Variants in CYP2A13 observed in about 807,000 individuals in gnomAD.
CYP2A13 encodes cytochrome P450 family 2 subfamily A member 13, also known as cytochrome P450 2A13.
Under a neutral mutation model 39.4 loss-of-function variants are expected in CYP2A13, and 30 were observed. That is an observed-to-expected ratio of 0.76 (90% CI 0.57 to 1.03). The LOEUF (loss-of-function observed/expected upper bound fraction) is 1.03, where lower values mean the gene tolerates loss of function less well. Among genes scored for constraint, CYP2A13 ranks in the 50% least tolerant of loss-of-function variants. CYP2A13 has a pLI of 0.00. For synonymous variants in CYP2A13, 269 were observed against 254.7 expected, an observed-to-expected ratio of 1.06 and a Z score of -0.54; for missense variants, 731 against 648.4, an observed-to-expected ratio of 1.13 and a Z score of -1.38.
At chr19:41,089,428 G>A (rs189067931) in intron 2 of CYP2A13, among the ~76,000 whole-genome samples, 4 of 151,892 alleles carry the variant, frequency 2.6e-5, no homozygotes, top group African/African-American at 7.2e-5. Flanking sequence ...TGTCGCTCTC[G>A]GCTTCTGTGC....
chr19:41,095,688 C>G (rs1036157196), intron 8 of CYP2A13, 72 bp from the exon 9 acceptor site: 1 of 1,577,758 alleles, frequency 6.3e-7, no homozygotes, highest in Admixed American at 1.7e-5. Context: ...AGAGTGCAGC[C>G]GGGGGTCAGT....
At chr19:41,095,380 C>G (rs1428073649) in intron 8 of CYP2A13, among the ~76,000 whole-genome samples, 1 of 152,158 alleles carries the variant, frequency 6.6e-6, no homozygotes, top group Non-Finnish European at 1.5e-5. Context: ...TGGCACAGCA[C>G]AGCAGTCATA....
Position 41,093,760 on chromosome 19 carries a change from C to A in CYP2A13, c.962C>A (p.Pro321Gln). 1 of 1,613,994 alleles carries A rather than the reference C, an allele frequency of 6.2e-7. No homozygotes were observed. Among genetic ancestry groups the A allele is most frequent in the Non-Finnish European group, 8.5e-7 (1 of 1,179,978 alleles). ...GGTTTCCTGCTGCTCATGAAGCACCCAGAGGTGGAGGGTAAGACTGGAAAG... is the reference window on the plus strand; with the variant it reads ...GGTTTCCTGCTGCTCATGAAGCACCAAGAGGTGGAGGGTAAGACTGGAAAG... ...RYGFLLLMKHPEVEAKVHEEI... is the reference protein window; with the variant it reads ...RYGFLLLMKHQEVEAKVHEEI... The change falls in exon 6 of 9, where the codon CCA (proline) becomes CAA (glutamine). Residue 321 changes from proline to glutamine, a missense_variant. Pro to Gln is a moderately conservative substitution (Grantham distance 76). Transcript: ENST00000330436.
chr19:41,094,317 T>C lies in CYP2A13; in HGVS notation c.1046T>C (p.Met349Thr), dbSNP rs1336905997. 1.2e-6 allele frequency: 2 copies of C among 1,614,086 alleles called. No homozygotes were observed. The change falls in exon 7 of 9, where the codon ATG (methionine) becomes ACG (threonine). Residue 349 changes from methionine (M) to threonine (T), a missense_variant. By Grantham distance (81) the Met-to-Thr change is moderately conservative. Transcript: ENST00000330436. Reference protein sequence around the residue: ...RQPKFEDRAKMPYTEAVIHEI... With the variant: ...RQPKFEDRAKTPYTEAVIHEI... Reference sequence around the variant, plus strand: ...CCCAAGTTTGAGGACCGGGCCAAGATGCCCTACACAGAGGCAGTGATCCAC... The same window carrying C: ...CCCAAGTTTGAGGACCGGGCCAAGACGCCCTACACAGAGGCAGTGATCCAC...
intron 2 of CYP2A13, among the ~76,000 whole-genome samples, chr19:41,089,804 G>GTC (rs752348205): frequency 6.4e-4 from 17 of 26,576 alleles, no homozygotes; most frequent in East Asian, 3.0e-3. Context: ...TTTCTACCCG[G>GTC]TCTCTCTCTC....
In CYP2A13 at chr19:41,095,843, A is replaced by G; in HGVS notation, c.1387A>G (p.Lys463Glu). ...FTTIMQNFRFKSPQSPKDIDV... is the reference protein window; with the variant it reads ...FTTIMQNFRFESPQSPKDIDV... ...CACCATCATGCAGAACTTTCGCTTCAAGTCCCCTCAGTCGCCTAAGGATAT... is the reference window on the plus strand; with the variant it reads ...CACCATCATGCAGAACTTTCGCTTCGAGTCCCCTCAGTCGCCTAAGGATAT... The change falls in exon 9 of 9, where the codon AAG becomes GAG. Residue 463 changes from lysine (K) to glutamate (E), a missense_variant. Coordinates refer to ENST00000330436, the MANE Select transcript of CYP2A13 (RefSeq NM_000766.5). The G allele has an allele frequency of 6.2e-7, 1 of 1,614,082 alleles. No individual in the cohort carries two copies.
chr19:41,092,768 G>A (rs1037997500), intron 5 of CYP2A13, among the ~76,000 whole-genome samples: 4 of 152,192 alleles, frequency 2.6e-5, no homozygotes, highest in African/African-American at 9.7e-5. Context: ...ACCTCTGGAT[G>A]TCAGCCTCCC....
intron 4 of CYP2A13, among the ~76,000 whole-genome samples, chr19:41,090,811 C>A (rs2031173572): frequency 6.6e-6 from 1 of 152,202 alleles, no homozygotes; most frequent in Middle Eastern, 3.2e-3. Context: ...GATGCATACC[C>A]TCAGCTCAGC....
At position 41,095,749 on chromosome 19, in the gene CYP2A13, C is replaced by G. The variant is rs2031290768; in HGVS notation, c.1304-11C>G. ...GGCTTCACCTTCACCCCTCCTGCCT[C>G]TCCTCCTCAGGAAAGCGGTACTGTT... On this transcript the variant is annotated splice_polypyrimidine_tract_variant and intron_variant, in intron 8 of 8. Coordinates refer to ENST00000330436, the MANE Select transcript of CYP2A13 (RefSeq NM_000766.5). The G allele has an allele frequency of 6.2e-7, 1 of 1,613,942 alleles. No homozygotes were observed. Among genetic ancestry groups the G allele is most frequent in the Non-Finnish European group, 8.5e-7 (1 of 1,179,852 alleles).
At chr19:41,089,705 T>A (rs567449690) in intron 2 of CYP2A13, among the ~76,000 whole-genome samples, 100 of 151,596 alleles carry the variant, frequency 6.6e-4, no homozygotes, top group Non-Finnish European at 1.9e-4. Flanking sequence ...CCCACTTCCT[T>A]CCCTTCCTCC....
Position 41,094,257 on chromosome 19 carries a change from A to C in CYP2A13, c.986A>C (p.Glu329Ala), listed in dbSNP as rs776403597. Residue 329 changes from glutamate (E) to alanine (A), a missense_variant, in exon 7 of 9, where the codon GAG (glutamate) becomes GCG (alanine). Coordinates refer to ENST00000330436, the MANE Select transcript of CYP2A13 (RefSeq NM_000766.5). ...CCTCCTCCCCCAGCCAAGGTCCATG[A>C]GGAGATTGACAGAGTGATCGGCAAG... ...KHPEVEAKVH[E>A]EIDRVIGKNR... 3 of 1,613,912 alleles carry C rather than the reference A, an allele frequency of 1.9e-6. No individual in the cohort carries two copies. In the South Asian group the frequency reaches 3.3e-5, roughly 18 times the overall value.
chr19:41,088,946 C>T lies in CYP2A13; in HGVS notation c.198C>T (p.Gly66=). The T allele has an allele frequency of 6.2e-7, 1 of 1,614,008 alleles. No homozygotes were observed. Among genetic ancestry groups the T allele is most frequent in the East Asian group, 2.2e-5 (1 of 44,864 alleles). ...TCCAACAGATCAGTGAGCGCTATGG[C>T]CCTGTGTTCACCATTCACTTGGGGC... ...NSLMKISERY[G]PVFTIHLGPR... is the part of the protein sequence containing the mutation. The change falls in exon 2 of 9, where the codon GGC becomes GGT. Residue 66 remains glycine (G), a synonymous_variant. Transcript: ENST00000330436.
intron 1 of CYP2A13, 120 bp downstream of exon 1, chr19:41,088,771 A>G: frequency 6.5e-7 from 1 of 1,534,788 alleles, no homozygotes; most frequent in Non-Finnish European, 8.8e-7. Context: ...TTGGAGTTTC[A>G]GCATCAGGGT....
intron 4 of CYP2A13, among the ~76,000 whole-genome samples, chr19:41,091,331 C>T (rs2031183759): frequency 6.6e-6 from 1 of 152,166 alleles, no homozygotes; most frequent in African/African-American, 2.4e-5. Context: ...CAGCTGTCTC[C>T]AACCAAGTCC....
rs370873853 is a variant in CYP2A13 at position 41,088,982 on chromosome 19, C to T, written c.234C>T (p.Val78=). 4.0e-5 allele frequency: 65 copies of T among 1,613,832 alleles called. No individual in the cohort carries two copies. Among genetic ancestry groups the T allele is most frequent in the Admixed American group, 2.7e-4 (16 of 60,000 alleles). Residue 78 remains valine (V), a synonymous_variant, in exon 2 of 9, where the codon GTC becomes GTT. Coordinates refer to ENST00000330436, the MANE Select transcript of CYP2A13 (RefSeq NM_000766.5). Reference sequence around the variant, plus strand: ...CCATTCACTTGGGGCCCCGGCGGGTCGTGGTGCTGTGCGGACATGATGCCG... The same window carrying T: ...CCATTCACTTGGGGCCCCGGCGGGTTGTGGTGCTGTGCGGACATGATGCCG... ...VFTIHLGPRR[V]VVLCGHDAVK... is the part of the protein sequence containing the mutation.
intron 6 of CYP2A13, 25 bp downstream of exon 6, chr19:41,093,796 G>C (rs1382441448): frequency 2.5e-6 from 4 of 1,613,078 alleles, no homozygotes; most frequent in East Asian, 2.2e-5. Context: ...GGAGGAAAGT[G>C]AAGGGCCCCA....
intron 4 of CYP2A13, 96 bp downstream of exon 4, chr19:41,090,660 G>C (rs2031170429): frequency 6.4e-7 from 1 of 1,574,058 alleles, no homozygotes; most frequent in African/African-American, 1.4e-5. Context: ...CCCCCCTCCA[G>C]ACAGTGTCCC....
chr19:41,090,222 G>A, intron 3 of CYP2A13, 26 bp downstream of exon 3: 1 of 1,550,100 alleles, frequency 6.5e-7, no homozygotes, highest in Non-Finnish European at 8.7e-7. Context: ...CGAGTGCGAG[G>A]GCGGGAACCC....
chr19:41,092,312 TAAAAAAAAAAAAAA>T lies in CYP2A13; in HGVS notation c.831+422_831+435del, dbSNP rs529985444. 2.7e-3 allele frequency among the ~76,000 whole-genome samples: 145 copies of T among 53,800 alleles called. 1 individual carries two copies. Among genetic ancestry groups the T allele is most frequent in the African/African-American group, 9.4e-3 (134 of 14,200 alleles). The allele number at this position is 53,800 out of a possible 152,430, so 35.3% of individuals were successfully genotyped here. A position where few individuals can be genotyped will look rare whatever the true frequency, so the allele number is the denominator to read the frequency against. On this transcript the variant is annotated intron_variant, in intron 5 of 8. Transcript: ENST00000330436. Reference sequence around the variant, plus strand: ...GCCTGAGTGACAGAGCAAGACCCTGTAAAAAAAAAAAAAAAAAAAAAAAAAAAAAAATCCTGACA... The same window carrying T: ...GCCTGAGTGACAGAGCAAGACCCTGTAAAAAAAAAAAAAAAAATCCTGACA...
Sources: gnomAD v4.1 joint callset for allele counts (sites outside exome capture counted in the v4.1 genomes callset) on GRCh38, gnomAD v4.1.1 for gene constraint, MANE v1.5 for transcripts, NCBI Gene and HGNC (gene_info 2026-07-23, HGNC 2026-07-21) for gene names.